PKNOX2: variants seen among roughly 807,000 people sequenced by gnomAD.
The protein encoded by PKNOX2 is PBX/knotted 1 homeobox 2.
A neutral mutation model predicts 53.1 loss-of-function variants in PKNOX2; 14 were observed. The ratio of observed to expected loss-of-function variants is 0.26; its 90% confidence interval spans 0.17 to 0.41. PKNOX2 has a LOEUF of 0.41. Among genes scored for constraint, PKNOX2 ranks in the 10% least tolerant of loss-of-function variants. The pLI, the probability that PKNOX2 is intolerant of heterozygous loss-of-function variation, is 1.00. For synonymous variants in PKNOX2, 257 were observed against 242.8 expected, an observed-to-expected ratio of 1.06 and a Z score of -0.54; for missense variants, 496 against 602.8, an observed-to-expected ratio of 0.82 and a Z score of 1.85.
intron 1 of PKNOX2, among the ~76,000 whole-genome samples, chr11:125,171,370 G>C (rs1408601309): frequency 6.6e-6 from 1 of 152,218 alleles, no homozygotes; most frequent in Admixed American, 6.5e-5. Context: ...TGTCCTCAAG[G>C]AGCTTGCTTG....
intron 2 of PKNOX2, among the ~76,000 whole-genome samples, chr11:125,255,191 G>T (rs963777718): frequency 6.6e-6 from 1 of 152,214 alleles, no homozygotes; most frequent in Non-Finnish European, 1.5e-5. Flanking sequence ...AATCGGCATT[G>T]TGAAGATGAA....
chr11:125,410,685 T>G, intron 8 of PKNOX2, 94 bp from the exon 9 acceptor site: 1 of 965,734 alleles, frequency 1.0e-6, no homozygotes, highest in South Asian at 1.4e-5. Flanking sequence ...TAGAGGGTCT[T>G]TACACATGAG....
At chr11:125,214,272 T>C (rs1323323523) in intron 1 of PKNOX2, among the ~76,000 whole-genome samples, 1 of 151,960 alleles carries the variant, frequency 6.6e-6, no homozygotes, top group Non-Finnish European at 1.5e-5. Context: ...CACCTACCCT[T>C]GAACCTGAAA....
chr11:125,394,350 C>A (rs529076059), intron 6 of PKNOX2, among the ~76,000 whole-genome samples: 6 of 152,232 alleles, frequency 3.9e-5, no homozygotes, highest in Admixed American at 3.3e-4. Flanking sequence ...CTCCCTCAGT[C>A]TCAGCCCCAC....
chr11:125,319,865 C>T (rs2136055579), intron 2 of PKNOX2, among the ~76,000 whole-genome samples: 1 of 152,166 alleles, frequency 6.6e-6, no homozygotes, highest in South Asian at 2.1e-4. Flanking sequence ...GGCACAAAGG[C>T]CTGGGTGGAT....
intron 4 of PKNOX2, 140 bp downstream of exon 4, chr11:125,351,532 G>A: frequency 4.8e-6 from 3 of 628,754 alleles, no homozygotes; most frequent in South Asian, 3.8e-5. Flanking sequence ...GGCACTCCGG[G>A]CTCTTTCCCG....
intron 10 of PKNOX2, among the ~76,000 whole-genome samples, chr11:125,426,639 A>G (rs1050908455): frequency 6.9e-6 from 1 of 144,662 alleles, no homozygotes; most frequent in Non-Finnish European, 1.5e-5. Flanking sequence ...GCTCTGCTCA[A>G]GAAACAAGTC....
chr11:125,380,298 C>G (rs1414680766), intron 5 of PKNOX2, among the ~76,000 whole-genome samples: 1 of 152,186 alleles, frequency 6.6e-6, no homozygotes, highest in Non-Finnish European at 1.5e-5. Flanking sequence ...CCAGTTCACT[C>G]CTTTTATTTG....
intron 5 of PKNOX2, among the ~76,000 whole-genome samples, chr11:125,375,776 C>G (rs190780073): frequency 2.0e-5 from 3 of 152,332 alleles, no homozygotes; most frequent in Admixed American, 2.0e-4. Flanking sequence ...TTTCTGGTGA[C>G]TTGGCTGGAA....
chr11:125,398,142 C>T, intron 7 of PKNOX2, 80 bp downstream of exon 7: 2 of 1,441,992 alleles, frequency 1.4e-6, no homozygotes, highest in South Asian at 2.7e-5. Flanking sequence ...GGAAGGTCCC[C>T]TGGTGACCTT....
intron 12 of PKNOX2, 151 bp downstream of exon 12, chr11:125,430,292 A>G: frequency 1.0e-6 from 1 of 958,194 alleles, no homozygotes; most frequent in Non-Finnish European, 1.5e-6. Flanking sequence ...CCAAAGCCCT[A>G]AAGAAGGGGA....
intron 1 of PKNOX2, among the ~76,000 whole-genome samples, chr11:125,217,282 G>T (rs904896079): frequency 2.6e-5 from 4 of 152,048 alleles, no homozygotes; most frequent in African/African-American, 9.7e-5. Context: ...CACCTTATTA[G>T]GCTTAATCAG....
chr11:125,179,266 G>A (rs140606595), intron 1 of PKNOX2, among the ~76,000 whole-genome samples: 1 of 152,312 alleles, frequency 6.6e-6, no homozygotes, highest in African/African-American at 2.4e-5. Context: ...ACAGTTAGAT[G>A]GCGAACAGAG....
intron 6 of PKNOX2, among the ~76,000 whole-genome samples, chr11:125,395,217 G>A (rs1954307701): frequency 6.6e-6 from 1 of 152,084 alleles, no homozygotes; most frequent in South Asian, 2.1e-4. Context: ...AAATTCCCTT[G>A]CAATCTATCC....
intron 3 of PKNOX2, among the ~76,000 whole-genome samples, chr11:125,341,987 C>T (rs564442900): frequency 2.0e-5 from 3 of 152,346 alleles, no homozygotes; most frequent in South Asian, 2.1e-4. Flanking sequence ...CTCCTCTAGC[C>T]GATCCCATTG....
At chr11:125,194,290 C>G (rs542175765) in intron 1 of PKNOX2, among the ~76,000 whole-genome samples, 1 of 152,214 alleles carries the variant, frequency 6.6e-6, no homozygotes, top group East Asian at 1.9e-4. Flanking sequence ...CACCCCAGGC[C>G]GGCTCCCATT....
At chr11:125,359,372 A>G (rs1270112082) in intron 4 of PKNOX2, among the ~76,000 whole-genome samples, 1 of 152,048 alleles carries the variant, frequency 6.6e-6, no homozygotes, top group African/African-American at 2.4e-5. Flanking sequence ...TGACTCATCA[A>G]AACAGACTCT....
chr11:125,185,473 T>TCCAAAAC (rs1202402998), intron 1 of PKNOX2, among the ~76,000 whole-genome samples: 47 of 152,188 alleles, frequency 3.1e-4, no homozygotes, highest in Non-Finnish European at 5.6e-4. Flanking sequence ...CCAAAACATT[T>TCCAAAAC]TTTCACTTCA....
chr11:125,382,326 C>T (rs1233679583), intron 5 of PKNOX2, among the ~76,000 whole-genome samples: 1 of 152,174 alleles, frequency 6.6e-6, no homozygotes, highest in East Asian at 1.9e-4. Context: ...TATGCACGCG[C>T]ACACACACAC....
Sources: gnomAD v4.1 joint callset for allele counts (sites outside exome capture counted in the v4.1 genomes callset) on GRCh38, gnomAD v4.1.1 for gene constraint, MANE v1.5 for transcripts, NCBI Gene and HGNC (gene_info 2026-07-23, HGNC 2026-07-21) for gene names.